UBR4: variants seen among roughly 807,000 people sequenced by gnomAD.
The protein encoded by UBR4 is E3 ubiquitin-protein ligase UBR4.
A neutral mutation model predicts 575.6 loss-of-function variants in UBR4; 124 were observed. That is an observed-to-expected ratio of 0.22 (90% CI 0.19 to 0.25). The LOEUF (loss-of-function observed/expected upper bound fraction) is 0.25, where lower values mean the gene tolerates loss of function less well. Ranked by LOEUF, UBR4 falls within the 10% of genes least tolerant of loss-of-function variation. The probability of loss-of-function intolerance (pLI) is 1.00; values close to 1 mark genes in which losing one functional copy is unlikely to be tolerated. For missense variants in UBR4, 4,818 were observed against 6,478.8 expected, an observed-to-expected ratio of 0.74 and a Z score of 8.80; for synonymous variants, 2,455 against 2,473.7, an observed-to-expected ratio of 0.99 and a Z score of 0.22.
At chr1:19,150,971 T>C (rs532631633) in intron 48 of UBR4, 178 bp from the exon 49 acceptor site, 2 of 677,476 alleles carry the variant, frequency 3.0e-6, no homozygotes, top group East Asian at 2.7e-5. Flanking sequence ...TGAATACATG[T>C]GGTAAAAGTT....
chr1:19,076,858 G>A lies in UBR4; in HGVS notation c.15369C>T (p.Leu5123=), dbSNP rs150757996. The stretch of plus-strand genomic sequence containing the variant: ...TGTCGTTGTGGCGGATGTACTCAGC[G>A]AGAGAGCAGGACCAGCCTCCCTCTG... ...SNTEGGWSCS[L]AEYIRHNDMP... Residue 5123 remains leucine, a synonymous_variant, in exon 105 of 106, where the codon CTC becomes CTT. Transcript: ENST00000375254. The A allele has an allele frequency of 7.5e-4, 1,211 of 1,608,158 alleles. 7 individuals are homozygous for A. In the African/African-American group the frequency reaches 0.014, roughly 18 times the overall value.
intron 35 of UBR4, 65 bp downstream of exon 35, chr1:19,162,355 A>G (rs2087523297): frequency 1.3e-6 from 2 of 1,519,476 alleles, no homozygotes; most frequent in Admixed American, 4.3e-5. Context: ...CAGAGCCAAA[A>G]GCTTGGTACC....
chr1:19,175,567 G>T (rs2090152431), intron 20 of UBR4, among the ~76,000 whole-genome samples: 1 of 151,994 alleles, frequency 6.6e-6, no homozygotes, highest in Non-Finnish European at 1.5e-5. Context: ...TTCATCCAAA[G>T]AACAGACAAT....
At chr1:19,085,412 C>T (rs1441122144) in intron 101 of UBR4, among the ~76,000 whole-genome samples, 1 of 152,230 alleles carries the variant, frequency 6.6e-6, no homozygotes, top group Non-Finnish European at 1.5e-5. Flanking sequence ...ATTCCAGCTA[C>T]TTGGGAGGCT....
In UBR4 at chr1:19,100,586, C is replaced by A; in HGVS notation, c.13024-13G>T. 6.2e-7 allele frequency: 1 copy of A among 1,613,450 alleles called. No homozygotes were observed. Among genetic ancestry groups the A allele is most frequent in the South Asian group, 1.1e-5 (1 of 91,062 alleles). ...CTTCATTCTCCTCCTGGAGGACAGA[C>A]AGAAGGGTGCATCAGAAGGGATGGC... On this transcript the variant is annotated splice_polypyrimidine_tract_variant and intron_variant, in intron 88 of 105. Transcript: ENST00000375254. The surrounding 1 kb of genome is among the most constrained non-coding windows in gnomAD (Gnocchi z 4.2).
At chr1:19,084,132 G>T (rs1225285136) in intron 102 of UBR4, among the ~76,000 whole-genome samples, 1 of 152,216 alleles carries the variant, frequency 6.6e-6, no homozygotes, top group Non-Finnish European at 1.5e-5. Context: ...GCTCCGACCT[G>T]TGGCCTCCCC....
At chr1:19,143,381 A>G (rs2084367742) in intron 55 of UBR4, among the ~76,000 whole-genome samples, 1 of 152,208 alleles carries the variant, frequency 6.6e-6, no homozygotes, top group Non-Finnish European at 1.5e-5. Flanking sequence ...CCAAGTAACC[A>G]GAATTATATA....
intron 1 of UBR4, among the ~76,000 whole-genome samples, chr1:19,207,099 G>A (rs1050325726): frequency 6.6e-6 from 1 of 152,178 alleles, no homozygotes; most frequent in African/African-American, 2.4e-5. Context: ...ATGGTCCCCG[G>A]TGACAAGGAA....
Position 19,150,699 on chromosome 1 carries a change from G to A in UBR4, c.7308C>T (p.Pro2436=). The change falls in exon 49 of 106, where the codon CCC becomes CCT. Residue 2436 remains proline, a synonymous_variant. Transcript: ENST00000375254. ...TKEQFGWPDE[P]PEEFPSASVS... ...CAGAGGCAGAAGGGAATTCTTCTGG[G>A]GGCTCATCAGGCCAGCCAAACTGCT... 5 of 1,614,022 alleles carry A rather than the reference G, an allele frequency of 3.1e-6. No individual in the cohort carries two copies.
At chr1:19,163,878 G>A in intron 33 of UBR4, 51 bp from the exon 34 acceptor site, 1 of 1,586,760 alleles carries the variant, frequency 6.3e-7, no homozygotes, top group East Asian at 2.2e-5. Flanking sequence ...AATCATCGAA[G>A]AAACCAACGA....
At position 19,110,354 on chromosome 1, in the gene UBR4, C is replaced by T; in HGVS notation, c.11977+26G>A. ...GGACTGCTCCTTTGAGCCTCCTTTC[C>T]TTTCTCTGAAAATCCCCTAACTCAC... On this transcript the variant is annotated intron_variant, in intron 80 of 105. Coordinates refer to ENST00000375254, the MANE Select transcript of UBR4 (RefSeq NM_020765.3). This position sits in a 1 kb window ranked among gnomAD's most constrained non-coding sequence, Gnocchi z 4.5. The T allele has an allele frequency of 6.2e-7, 1 of 1,613,962 alleles. No individual in the cohort carries two copies. Among genetic ancestry groups the T allele is most frequent in the East Asian group, 2.2e-5 (1 of 44,880 alleles).
chr1:19,150,896 T>C, intron 48 of UBR4, 103 bp from the exon 49 acceptor site: 1 of 1,120,706 alleles, frequency 8.9e-7, no homozygotes, highest in Non-Finnish European at 1.3e-6. Context: ...ATCACGTCAA[T>C]TTTATAGACA....
intron 17 of UBR4, among the ~76,000 whole-genome samples, chr1:19,182,523 T>C (rs924598278): frequency 1.3e-5 from 2 of 152,168 alleles, no homozygotes; most frequent in African/African-American, 4.8e-5. Flanking sequence ...TAATTCTATA[T>C]GTAATTTTTG....
rs372950252 is a variant in UBR4 at position 19,113,872 on chromosome 1, A to T, written c.11329-45T>A. 1.5e-4 allele frequency: 237 copies of T among 1,614,062 alleles called. No homozygotes were observed. The African/African-American group carries it at 2.8e-3, about 19-fold the overall frequency. ...GCTGTCAGGCTCCCCACCTAAGGTG[A>T]TCTCACCTAGGAGGCAGTCTTCTGA... is the stretch of plus-strand genomic sequence containing the variant. On this transcript the variant is annotated intron_variant, in intron 76 of 105. Transcript: ENST00000375254.
rs1327880676 is a variant in UBR4 at position 19,174,409 on chromosome 1, A to G, written c.2892T>C (p.Asp964=). 10 of 1,612,430 alleles carry G rather than the reference A, an allele frequency of 6.2e-6. No individual in the cohort carries two copies. Among genetic ancestry groups the G allele is most frequent in the Non-Finnish European group, 8.5e-6 (10 of 1,179,888 alleles). The change falls in exon 22 of 106, where the codon GAT becomes GAC. Residue 964 remains aspartate (D), a synonymous_variant. Transcript: ENST00000375254. The stretch of plus-strand genomic sequence containing the variant: ...GGGCTGTCAGTGCAGCATAAAGCTC[A>G]TCATACTTGACAAGCTTGGAGAAAA... ...DVLFSKLVKY[D]ELYAALTALL...
At chr1:19,188,870 G>A (rs1383980322) in intron 11 of UBR4, among the ~76,000 whole-genome samples, 1 of 152,152 alleles carries the variant, frequency 6.6e-6, no homozygotes, top group Non-Finnish European at 1.5e-5. Flanking sequence ...TCAGGAGGCT[G>A]AGGTGGGAGG....
At chr1:19,181,619 A>G (rs1261789874) in intron 17 of UBR4, among the ~76,000 whole-genome samples, 1 of 152,128 alleles carries the variant, frequency 6.6e-6, no homozygotes, top group Non-Finnish European at 1.5e-5. Flanking sequence ...TTATTTCCTC[A>G]GTGTCTATAA....
intron 60 of UBR4, among the ~76,000 whole-genome samples, chr1:19,129,918 A>G (rs2082238965): frequency 6.6e-6 from 1 of 152,198 alleles, no homozygotes; most frequent in Non-Finnish European, 1.5e-5. Context: ...TCTTCAGATT[A>G]TTTGTAAGAA....
chr1:19,200,481 G>C (rs12143407), intron 2 of UBR4, among the ~76,000 whole-genome samples: 2 of 151,880 alleles, frequency 1.3e-5, no homozygotes, highest in African/African-American at 4.8e-5. Flanking sequence ...CCAGCACTTC[G>C]GGAGGCTGAG....
Sources: allele counts gnomAD v4.1 joint callset (sites outside exome capture counted in the v4.1 genomes callset), GRCh38; gene constraint gnomAD v4.1.1; non-coding constraint Gnocchi (gnomAD v3.1); transcripts MANE v1.5; gene names NCBI Gene and HGNC (gene_info 2026-07-23, HGNC 2026-07-21).